Variants in PPP2R5C observed in about 807,000 individuals in gnomAD.
PPP2R5C encodes the protein serine/threonine-protein phosphatase 2A 56 kDa regulatory subunit gamma isoform.
PPP2R5C carries 7 observed loss-of-function variants against 68.9 expected under a neutral mutation model. That is an observed-to-expected ratio of 0.10 (90% CI 0.06 to 0.19). PPP2R5C has a LOEUF of 0.19. Ranked by LOEUF, PPP2R5C falls within the 10% of genes least tolerant of loss-of-function variation. The probability of loss-of-function intolerance (pLI) is 1.00; values close to 1 mark genes in which losing one functional copy is unlikely to be tolerated. For missense variants in PPP2R5C, 348 were observed against 641.3 expected (o/e 0.54, Z 4.94); for synonymous variants, 210 against 222.2 (o/e 0.95, Z 0.49).
chr14:101,852,692 G>A (rs1177162374), intron 1 of PPP2R5C, among the ~76,000 whole-genome samples: 1 of 151,800 alleles, frequency 6.6e-6, no homozygotes, highest in Non-Finnish European at 1.5e-5. Context: ...GGCTAGTCTC[G>A]AACTCCTGAC....
rs2038643923 is a variant in PPP2R5C, at chr14:101,797,013, G to A, written c.259+10830G>A. 5.1e-6 allele frequency: 2 copies of A among 391,956 alleles called. No homozygotes were observed. The highest frequency in any genetic ancestry group is 7.2e-5 in the East Asian group (1 of 13,846). 24.3% of individuals were successfully genotyped at this position (391,956 alleles called of 1,614,324 possible). A position where few individuals can be genotyped will look rare whatever the true frequency, so the allele number is the denominator to read the frequency against. On this transcript the variant is annotated intron_variant, in intron 3 of 14. Coordinates refer to the PPP2R5C transcript ENST00000328724. The surrounding 1 kb of genome is among the most constrained non-coding windows in gnomAD (Gnocchi z 4.2). Reference sequence around the variant, plus strand: ...TGGTATTAGATACATTCAAAATGCTGTACACCCATCACTACTATCTCTACC... The same window carrying A: ...TGGTATTAGATACATTCAAAATGCTATACACCCATCACTACTATCTCTACC...
intron 1 of PPP2R5C, among the ~76,000 whole-genome samples, chr14:101,812,352 A>G (rs1190449852): frequency 6.6e-6 from 1 of 152,028 alleles, no homozygotes; most frequent in Non-Finnish European, 1.5e-5. Context: ...TGGTGTCAGG[A>G]GCAGAAGGAA....
rs965995774 is a variant in PPP2R5C, at chr14:101,899,707, T to C, written c.853-2012T>C. Among the ~76,000 whole-genome samples, 4 of 152,240 alleles carry C rather than the reference T, an allele frequency of 2.6e-5. No individual in the cohort carries two copies. Among genetic ancestry groups the C allele is most frequent in the Non-Finnish European group, 5.9e-5 (4 of 68,040 alleles). Reference sequence around the variant, plus strand: ...GATGTAGGAAGTGATTTCCATCTGCTGTGTCCTTAATAGTGATTCCAATAC... The same window carrying C: ...GATGTAGGAAGTGATTTCCATCTGCCGTGTCCTTAATAGTGATTCCAATAC... On this transcript the variant is annotated intron_variant, in intron 8 of 13. Transcript: ENST00000334743. The surrounding 1 kb of genome is among the most constrained non-coding windows in gnomAD (Gnocchi z 4.2).
intron 3 of PPP2R5C, among the ~76,000 whole-genome samples, chr14:101,802,933 A>C (rs921056442): frequency 6.8e-6 from 1 of 146,116 alleles, no homozygotes; most frequent in Non-Finnish European, 1.5e-5. Flanking sequence ...CTTCACACCC[A>C]CTAGGATGGC....
intron 13 of PPP2R5C, chr14:101,922,026 G>A (rs1055785712): frequency 1.0e-5 from 10 of 985,470 alleles, no homozygotes; most frequent in Non-Finnish European, 9.6e-6. Flanking sequence ...AGTAAGGAAG[G>A]TGTAGAGAGA....
rs2047253497 is a variant in PPP2R5C, at chr14:101,925,516, G to A, written c.*244G>A. ...CTCGCAGTGTCGCCGCCACCCCAGCGTAGTCCAAGTCAGACTATTTCACAA... is the reference window on the plus strand; with the variant it reads ...CTCGCAGTGTCGCCGCCACCCCAGCATAGTCCAAGTCAGACTATTTCACAA... On this transcript the variant is annotated 3_prime_UTR_variant, in exon 14 of 14. Transcript: ENST00000334743. 3.9e-5 allele frequency: 19 copies of A among 489,010 alleles called. No homozygotes were observed. The South Asian group carries it at 5.3e-4, about 14-fold the overall frequency. 30.3% of individuals were successfully genotyped at this position (489,010 alleles called of 1,614,324 possible). A position where few individuals can be genotyped will look rare whatever the true frequency, so the allele number is the denominator to read the frequency against.
At chr14:101,841,521 C>T (rs529101344) in intron 1 of PPP2R5C, among the ~76,000 whole-genome samples, 1 of 152,202 alleles carries the variant, frequency 6.6e-6, no homozygotes, top group East Asian at 1.9e-4. Flanking sequence ...CGGCTCGTTC[C>T]GTGTCCAGAC....
intron 1 of PPP2R5C, among the ~76,000 whole-genome samples, chr14:101,811,276 A>G (rs776456007): frequency 3.9e-5 from 6 of 152,212 alleles, no homozygotes; most frequent in Non-Finnish European, 7.3e-5. Flanking sequence ...ACATTCAGGT[A>G]TTTTAGCTGC....
In PPP2R5C at chr14:101,906,601, GAATA is replaced by G. The variant is rs2046037933; in HGVS notation, c.1151+77_1151+80del. On this transcript the variant is annotated intron_variant, in intron 10 of 13. Coordinates refer to ENST00000334743, the Ensembl canonical transcript of PPP2R5C. This position sits in a 1 kb window ranked among gnomAD's most constrained non-coding sequence, Gnocchi z 4.0. ...GCACGTTTTACTGCTACTTCAGTAA[GAATA>G]AATATCAGAATTTTAAATATCAATT... 1 of 1,468,412 alleles carries G rather than the reference GAATA, an allele frequency of 6.8e-7. No homozygotes were observed. 91.0% of individuals were successfully genotyped at this position (1,468,412 alleles called of 1,614,324 possible).
intron 1 of PPP2R5C, among the ~76,000 whole-genome samples, chr14:101,811,463 C>A (rs565199711): frequency 6.6e-6 from 1 of 152,272 alleles, no homozygotes; most frequent in African/African-American, 2.4e-5. Flanking sequence ...ACCTCAGTTT[C>A]TTGAGTAGCT....
At chr14:101,808,053 C>G (rs1007495904), upstream of PPP2R5C, among the ~76,000 whole-genome samples, 2 of 151,036 alleles carry the variant, frequency 1.3e-5, no homozygotes, top group Non-Finnish European at 2.9e-5. Flanking sequence ...CTGAACGCCT[C>G]GTTCCTAATT....
At chr14:101,900,555 A>G (rs2045624379) in intron 8 of PPP2R5C, among the ~76,000 whole-genome samples, 1 of 152,252 alleles carries the variant, frequency 6.6e-6, no homozygotes, top group South Asian at 2.1e-4. Context: ...ACATATATGC[A>G]CTTCATATGC....
intron 1 of PPP2R5C, among the ~76,000 whole-genome samples, chr14:101,831,169 T>C (rs1034361697): frequency 6.6e-6 from 1 of 151,996 alleles, no homozygotes; most frequent in Non-Finnish European, 1.5e-5. Flanking sequence ...GTGTGCTGAG[T>C]TTTGTTTATT....
chr14:101,786,014 G>T lies in PPP2R5C; in HGVS notation c.94-4G>T. 6.6e-7 allele frequency: 1 copy of T among 1,520,048 alleles called. No individual in the cohort carries two copies. Among genetic ancestry groups the T allele is most frequent in the Non-Finnish European group, 8.8e-7 (1 of 1,137,874 alleles). The allele number at this position is 1,520,048 out of a possible 1,614,324, so 94.2% of individuals were successfully genotyped here. On this transcript the variant is annotated splice_polypyrimidine_tract_variant and splice_region_variant and intron_variant, in intron 2 of 14. Transcript: ENST00000328724. ...TTCATTTGTTTTTGTTTTTGTTTTG[G>T]AAGCAAATTTCCGTCAGGAAAAACA... is the stretch of plus-strand genomic sequence containing the variant.
intron 1 of PPP2R5C, among the ~76,000 whole-genome samples, chr14:101,815,476 G>A (rs1271108039): frequency 6.6e-6 from 1 of 152,162 alleles, no homozygotes; most frequent in African/African-American, 2.4e-5. Context: ...TGCTGTCCCA[G>A]TTCACTTACC....
chr14:101,822,675 T>C (rs948553936), intron 1 of PPP2R5C, among the ~76,000 whole-genome samples: 1 of 152,250 alleles, frequency 6.6e-6, no homozygotes, highest in Non-Finnish European at 1.5e-5. Flanking sequence ...ACTGGCCTTT[T>C]GAAGACATAT....
chr14:101,893,982 C>T (rs755238639), intron 7 of PPP2R5C, among the ~76,000 whole-genome samples: 1 of 152,216 alleles, frequency 6.6e-6, no homozygotes, highest in Admixed American at 6.5e-5. Context: ...GCACAAGGCT[C>T]CTCTCTGCCA....
At chr14:101,768,068 T>C (rs990572556) in intron 2 of PPP2R5C, among the ~76,000 whole-genome samples, 3 of 152,220 alleles carry the variant, frequency 2.0e-5, no homozygotes, top group African/African-American at 7.2e-5. Flanking sequence ...TCCTCTACTT[T>C]GTAGGACATT....
Position 101,835,443 on chromosome 14 carries a change from G to C in PPP2R5C, c.95-21243G>C, listed in dbSNP as rs1292856570. 2.0e-5 allele frequency among the ~76,000 whole-genome samples: 3 copies of C among 152,202 alleles called. No individual in the cohort carries two copies. Among genetic ancestry groups the C allele is most frequent in the African/African-American group, 4.8e-5 (2 of 41,444 alleles). On this transcript the variant is annotated intron_variant, in intron 1 of 13. Coordinates refer to ENST00000334743, the Ensembl canonical transcript of PPP2R5C. This position sits in a 1 kb window ranked among gnomAD's most constrained non-coding sequence, Gnocchi z 5.0. ...ATTCAGGTATTTGGTTGGTGATCAT[G>C]TTATCAAGTCAGACTTGCAGTTAAG...
Sources: allele counts gnomAD v4.1 joint callset (sites outside exome capture counted in the v4.1 genomes callset), GRCh38; gene constraint gnomAD v4.1.1; non-coding constraint Gnocchi (gnomAD v3.1); transcripts MANE v1.5; gene names NCBI Gene and HGNC (gene_info 2026-07-23, HGNC 2026-07-21).